NMNAT2: variants seen among roughly 807,000 people sequenced by gnomAD.
NMNAT2 encodes nicotinamide/nicotinic acid mononucleotide adenylyltransferase 2.
Under a neutral mutation model 41.6 loss-of-function variants are expected in NMNAT2, and 11 were observed. The observed-to-expected ratio is 0.26, with a 90% CI of 0.17 to 0.44. NMNAT2 has a LOEUF of 0.44. Ranked by LOEUF, NMNAT2 falls within the 20% of genes least tolerant of loss-of-function variation. The pLI, the probability that NMNAT2 is intolerant of heterozygous loss-of-function variation, is 1.00. For missense variants in NMNAT2, 288 were observed against 407.7 expected (o/e 0.71, Z 2.53); for synonymous variants, 148 against 151.2 (o/e 0.98, Z 0.16).
At chr1:183,385,405 A>G (rs1472331147) in intron 1 of NMNAT2, among the ~76,000 whole-genome samples, 1 of 152,162 alleles carries the variant, frequency 6.6e-6, no homozygotes, top group African/African-American at 2.4e-5. Context: ...CTAAAAATAC[A>G]CCTATACACC....
At position 183,305,212 on chromosome 1, in the gene NMNAT2, G is replaced by A. The variant is rs1661967763; in HGVS notation, c.86-11419C>T. ...ATGTAAAAATATGACACGAAACCAA[G>A]GTTTCCCCTTCAGCGAAACTCAAAA... On this transcript the variant is annotated intron_variant, in intron 1 of 10. Coordinates refer to ENST00000287713, the MANE Select transcript of NMNAT2 (RefSeq NM_015039.4). 4.0e-5 allele frequency among the ~76,000 whole-genome samples: 6 copies of A among 150,324 alleles called. No homozygotes were observed. In the South Asian group the frequency reaches 1.3e-3, roughly 31 times the overall value.
At chr1:183,253,502 A>T (rs1000202422) in intron 10 of NMNAT2, among the ~76,000 whole-genome samples, 4 of 152,116 alleles carry the variant, frequency 2.6e-5, no homozygotes, top group Admixed American at 1.3e-4. Context: ...ATTAGCTGTC[A>T]TCCTCATGTC....
In NMNAT2 at chr1:183,248,464, A is replaced by C. The variant is rs1387587467; in HGVS notation, c.*4177T>G. Reference sequence around the variant, plus strand: ...GATTCAAAAAAGCTTCCCCCTCCTCATGCCAACCCTCAAGACCATGTGGAT... The same window carrying C: ...GATTCAAAAAAGCTTCCCCCTCCTCCTGCCAACCCTCAAGACCATGTGGAT... On this transcript the variant is annotated 3_prime_UTR_variant, in exon 11 of 11. Transcript: ENST00000287713. 6.6e-6 allele frequency: 1 copy of C among 152,528 alleles called. No homozygotes were observed. The highest frequency in any genetic ancestry group is 1.9e-4 in the East Asian group (1 of 5,192). 9.4% of individuals were successfully genotyped at this position (152,528 alleles called of 1,614,324 possible).
intron 1 of NMNAT2, among the ~76,000 whole-genome samples, chr1:183,356,637 GT>G (rs1453700066): frequency 6.6e-6 from 1 of 152,214 alleles, no homozygotes; most frequent in Admixed American, 6.5e-5. Flanking sequence ...GATCAGCTGG[GT>G]AAACTATGGG....
At chr1:183,354,127 C>T (rs988721182) in intron 1 of NMNAT2, among the ~76,000 whole-genome samples, 1 of 152,188 alleles carries the variant, frequency 6.6e-6, no homozygotes, top group African/African-American at 2.4e-5. Context: ...AGCCCAAGCC[C>T]ACAGGTCTTG....
chr1:183,308,886 C>T (rs1161990621), intron 1 of NMNAT2, among the ~76,000 whole-genome samples: 1 of 151,988 alleles, frequency 6.6e-6, no homozygotes, highest in Non-Finnish European at 1.5e-5. Flanking sequence ...GCTTTGTAGC[C>T]CCTGAGGTGG....
intron 1 of NMNAT2, among the ~76,000 whole-genome samples, chr1:183,369,221 A>G (rs980638580): frequency 2.0e-5 from 3 of 151,564 alleles, no homozygotes; most frequent in East Asian, 1.9e-4. Flanking sequence ...CGCCTCCCCA[A>G]ATCCTTTGAG....
chr1:183,347,032 T>C (rs1404729611), intron 1 of NMNAT2, among the ~76,000 whole-genome samples: 1 of 152,156 alleles, frequency 6.6e-6, no homozygotes, highest in East Asian at 1.9e-4. Flanking sequence ...AACTCACTTT[T>C]CCTCCCTATA....
At chr1:183,314,898 A>C (rs1375290261) in intron 1 of NMNAT2, among the ~76,000 whole-genome samples, 1 of 152,154 alleles carries the variant, frequency 6.6e-6, no homozygotes, top group Non-Finnish European at 1.5e-5. Context: ...ACCAACCAAC[A>C]AACAAACAAC....
chr1:183,339,153 A>T (rs777007294), intron 1 of NMNAT2, among the ~76,000 whole-genome samples: 25 of 152,058 alleles, frequency 1.6e-4, no homozygotes, highest in Non-Finnish European at 3.5e-4. Context: ...GCTGGAGTGC[A>T]GTGGTACGAT....
intron 1 of NMNAT2, among the ~76,000 whole-genome samples, chr1:183,411,883 T>C (rs369907128): frequency 2.2e-4 from 33 of 151,988 alleles, no homozygotes; most frequent in Admixed American, 4.6e-4. Flanking sequence ...TTCTGCCAAG[T>C]GGACAATGAG....
At chr1:183,407,123 G>A (rs1216009271) in intron 1 of NMNAT2, among the ~76,000 whole-genome samples, 3 of 152,052 alleles carry the variant, frequency 2.0e-5, no homozygotes, top group Non-Finnish European at 2.9e-5. Context: ...GGCCTGATCT[G>A]CCATTCTTAA....
intron 1 of NMNAT2, among the ~76,000 whole-genome samples, chr1:183,309,354 T>C (rs1448498070): frequency 9.2e-5 from 14 of 152,110 alleles, no homozygotes; most frequent in Non-Finnish European, 1.9e-4. Flanking sequence ...AGATTGGCTG[T>C]TGGGCGGAAA....
intron 1 of NMNAT2, chr1:183,304,939 A>T: frequency 7.6e-7 from 1 of 1,319,324 alleles, no homozygotes; most frequent in South Asian, 1.5e-5. Flanking sequence ...CACTTCTGCC[A>T]GACCATGCTG....
At chr1:183,349,603 T>C (rs1663001708) in intron 1 of NMNAT2, among the ~76,000 whole-genome samples, 1 of 152,248 alleles carries the variant, frequency 6.6e-6, no homozygotes, top group South Asian at 2.1e-4. Flanking sequence ...TGCATGTTTG[T>C]GTCTAGTGCT....
At chr1:183,410,447 A>G (rs1429044035) in intron 1 of NMNAT2, among the ~76,000 whole-genome samples, 1 of 152,208 alleles carries the variant, frequency 6.6e-6, no homozygotes, top group Non-Finnish European at 1.5e-5. Flanking sequence ...TCACAATGGC[A>G]GCTCCCTACT....
chr1:183,362,553 C>T (rs1177873084), intron 1 of NMNAT2, among the ~76,000 whole-genome samples: 1 of 152,118 alleles, frequency 6.6e-6, no homozygotes, highest in African/African-American at 2.4e-5. Context: ...GGCTTTTTTC[C>T]GTTAACAAAA....
intron 1 of NMNAT2, among the ~76,000 whole-genome samples, chr1:183,306,921 T>C (rs542105860): frequency 2.6e-5 from 4 of 152,252 alleles, no homozygotes; most frequent in African/African-American, 9.6e-5. Flanking sequence ...ACAGTGTTGT[T>C]AGATAAACAG....
chr1:183,301,410 A>G (rs1005668401), intron 1 of NMNAT2, among the ~76,000 whole-genome samples: 1 of 152,258 alleles, frequency 6.6e-6, no homozygotes, highest in African/African-American at 2.4e-5. Context: ...AAGCCAGCCC[A>G]TTGGCAAAGC....
Sources: gnomAD v4.1 joint callset for allele counts (sites outside exome capture counted in the v4.1 genomes callset) on GRCh38, gnomAD v4.1.1 for gene constraint, MANE v1.5 for transcripts, NCBI Gene and HGNC (gene_info 2026-07-23, HGNC 2026-07-21) for gene names.